Variants in TRABD2A observed in about 807,000 individuals in gnomAD.
The protein encoded by TRABD2A is TraB domain containing 2A.
TRABD2A carries 43 observed loss-of-function variants against 45.6 expected under a neutral mutation model. That is an observed-to-expected ratio of 0.94 (90% CI 0.74 to 1.22). The LOEUF is 1.22. TRABD2A is among the 50% of genes most tolerant of loss of function. The probability of loss-of-function intolerance (pLI) is 0.00; values close to 1 mark genes in which losing one functional copy is unlikely to be tolerated. For synonymous variants in TRABD2A, 269 were observed against 265.0 expected (o/e 1.02, Z -0.15); for missense variants, 642 against 652.4 (o/e 0.98, Z 0.17).
intron 2 of TRABD2A, among the ~76,000 whole-genome samples, chr2:84,865,781 G>T (rs1203030310): frequency 6.6e-6 from 1 of 152,192 alleles, no homozygotes; most frequent in African/African-American, 2.4e-5. Flanking sequence ...GGTGATGTGT[G>T]AACATGGAGA....
Position 84,880,975 on chromosome 2 carries a change from C to T in TRABD2A, c.65G>A (p.Arg22Gln), listed in dbSNP as rs1264171835. The change falls in exon 1 of 7, where the codon CGG becomes CAG. Residue 22 changes from arginine (R) to glutamine (Q), a missense_variant. By Grantham distance (43) the Arg-to-Gln change is conservative. Coordinates refer to ENST00000409520, the MANE Select transcript of TRABD2A (RefSeq NM_001277053.2). ...LCLLPTGAAS[R>Q]RGAPGTANCE... The stretch of plus-strand genomic sequence containing the variant: ...GTTGGCGGTGCCGGGCGCCCCGCGC[C>T]GCGAAGCTGCGCCCGTGGGCAGGAG... The T allele has an allele frequency of 1.9e-6, 3 of 1,602,948 alleles. No individual in the cohort carries two copies. Among genetic ancestry groups the T allele is most frequent in the Non-Finnish European group, 2.6e-6 (3 of 1,175,682 alleles).
chr2:84,831,108 A>G lies in TRABD2A; in HGVS notation c.1082+947T>C, dbSNP rs139819194. On this transcript the variant is annotated intron_variant, in intron 5 of 6. Coordinates refer to ENST00000409520, the MANE Select transcript of TRABD2A (RefSeq NM_001277053.2). ...GTGACCATTTGGAGTTAGGGCCTTT[A>G]AAGAGGTGATTCAGTTCACATGAGG... Among the ~76,000 whole-genome samples, 1,230 of 152,192 alleles carry G rather than the reference A, an allele frequency of 8.1e-3. 18 individuals carry two copies. Among genetic ancestry groups the G allele is most frequent in the African/African-American group, 0.028 (1,156 of 41,510 alleles).
chr2:84,872,366 G>A (rs1390312389), intron 1 of TRABD2A, among the ~76,000 whole-genome samples: 3 of 151,968 alleles, frequency 2.0e-5, no homozygotes, highest in Non-Finnish European at 2.9e-5. Context: ...AAAATTAGTC[G>A]GGCATGGTGG....
At chr2:84,870,883 G>C in intron 1 of TRABD2A, 98 bp from the exon 2 acceptor site, 1 of 1,213,790 alleles carries the variant, frequency 8.2e-7, no homozygotes, top group South Asian at 1.6e-5. Context: ...CAAGAGAAAA[G>C]ATATCAAAGT....
chr2:84,838,804 G>A (rs1462380854), intron 4 of TRABD2A, among the ~76,000 whole-genome samples: 1 of 152,222 alleles, frequency 6.6e-6, no homozygotes, highest in African/African-American at 2.4e-5. Flanking sequence ...GAAGAGTAAA[G>A]ACAAACATAT....
At chr2:84,858,314 C>A (rs1204162050) in intron 2 of TRABD2A, among the ~76,000 whole-genome samples, 1 of 152,114 alleles carries the variant, frequency 6.6e-6, no homozygotes, top group African/African-American at 2.4e-5. Context: ...ATATAGCCAA[C>A]CCAGCCTGCC....
intron 4 of TRABD2A, chr2:84,835,594 T>C (rs1290830786): frequency 6.6e-6 from 1 of 152,132 alleles, no homozygotes; most frequent in Non-Finnish European, 1.5e-5. Flanking sequence ...TTTATTTAAT[T>C]TTTGTAGAGA....
At chr2:84,837,733 GC>G (rs1443109934) in intron 4 of TRABD2A, 1 of 152,552 alleles carries the variant, frequency 6.6e-6, no homozygotes. Context: ...GCTTCAACAG[GC>G]AATTTATGAC....
intron 5 of TRABD2A, among the ~76,000 whole-genome samples, chr2:84,828,519 G>A (rs1045034839): frequency 6.6e-6 from 1 of 152,058 alleles, no homozygotes; most frequent in African/African-American, 2.4e-5. Flanking sequence ...CACTTCCCTG[G>A]GCCCTTAGCC....
chr2:84,875,766 T>G (rs546559717), intron 1 of TRABD2A, among the ~76,000 whole-genome samples: 8 of 152,154 alleles, frequency 5.3e-5, no homozygotes, highest in Non-Finnish European at 5.9e-5. Flanking sequence ...TCCCAACACT[T>G]TGGGAAGCTT....
intron 2 of TRABD2A, among the ~76,000 whole-genome samples, chr2:84,862,092 G>T (rs1376784059): frequency 6.6e-6 from 1 of 152,202 alleles, no homozygotes; most frequent in South Asian, 2.1e-4. Context: ...GTCCAGGGCA[G>T]CCCCCACTTC....
At chr2:84,870,096 G>A (rs1682822492) in intron 2 of TRABD2A, 129 bp downstream of exon 2, 1 of 989,330 alleles carries the variant, frequency 1.0e-6, no homozygotes, top group Non-Finnish European at 1.5e-6. Context: ...TTAACCCCCG[G>A]AAAAGCATTT....
intron 2 of TRABD2A, among the ~76,000 whole-genome samples, chr2:84,849,065 A>AG (rs1365524274): frequency 1.3e-5 from 2 of 151,380 alleles, no homozygotes; most frequent in African/African-American, 2.4e-5. Context: ...GACAAAATCA[A>AG]GGTTCCCTGC....
chr2:84,859,958 G>T (rs1010056939), intron 2 of TRABD2A, among the ~76,000 whole-genome samples: 1 of 151,232 alleles, frequency 6.6e-6, no homozygotes, highest in Non-Finnish European at 1.5e-5. Flanking sequence ...ATGGGGGGGG[G>T]TCTCACTATG....
intron 4 of TRABD2A, chr2:84,837,019 G>A (rs1424217090): frequency 1.6e-5 from 2 of 124,760 alleles, no homozygotes; most frequent in African/African-American, 3.1e-5. Flanking sequence ...TGGAGATGGA[G>A]TTTCACTCTT....
intron 4 of TRABD2A, chr2:84,837,895 C>G (rs187219418): frequency 1.5e-5 from 4 of 266,228 alleles, no homozygotes; most frequent in African/African-American, 2.2e-5. Context: ...TTCTATACCC[C>G]CTATGGGATT....
intron 3 of TRABD2A, among the ~76,000 whole-genome samples, chr2:84,840,201 T>C (rs1681661177): frequency 6.6e-6 from 1 of 152,220 alleles, no homozygotes; most frequent in Non-Finnish European, 1.5e-5. Flanking sequence ...ATCTTATGGA[T>C]AACAGATCTC....
At position 84,830,993 on chromosome 2, in the gene TRABD2A, G is replaced by A. The variant is rs981557110; in HGVS notation, c.1082+1062C>T. On this transcript the variant is annotated intron_variant, in intron 5 of 6. Transcript: ENST00000409520. This position sits in a 1 kb window ranked among gnomAD's most constrained non-coding sequence, Gnocchi z 4.9. ...GCTGCTGACCACAGATCGGGAGGCA[G>A]TGGGGGCCAGAGGAATGGAGGGGAT... 2.6e-5 allele frequency among the ~76,000 whole-genome samples: 4 copies of A among 152,198 alleles called. No individual in the cohort carries two copies. The highest frequency in any genetic ancestry group is 2.0e-4 in the Admixed American group (3 of 15,284).
chr2:84,850,436 CT>C (rs911722749), intron 2 of TRABD2A, among the ~76,000 whole-genome samples: 8 of 152,042 alleles, frequency 5.3e-5, no homozygotes, highest in Non-Finnish European at 1.0e-4. Flanking sequence ...TGGTCCTACC[CT>C]GACAGAGTAG....
Sources: allele counts gnomAD v4.1 joint callset (sites outside exome capture counted in the v4.1 genomes callset), GRCh38; gene constraint gnomAD v4.1.1; non-coding constraint Gnocchi (gnomAD v3.1); transcripts MANE v1.5; gene names NCBI Gene and HGNC (gene_info 2026-07-23, HGNC 2026-07-21).